TENM1: variants seen among roughly 807,000 people sequenced by gnomAD.
TENM1 encodes the protein teneurin-1.
Under a neutral mutation model 174.8 loss-of-function variants are expected in TENM1, and 35 were observed. That is an observed-to-expected ratio of 0.20 (90% CI 0.15 to 0.27). The LOEUF is 0.27. TENM1 is among the 10% of genes least tolerant of loss of function. TENM1 has a pLI of 1.00. For synonymous variants in TENM1, 781 were observed against 798.7 expected (o/e 0.98, Z 0.37); for missense variants, 1,633 against 2,130.1 (o/e 0.77, Z 4.59).
intron 3 of TENM1, among the ~76,000 whole-genome samples, chrX:124,738,153 T>C (rs2053720066): frequency 8.9e-6 from 1 of 111,933 alleles, no homozygotes; most frequent in Non-Finnish European, 1.9e-5. Flanking sequence ...ATAATAGATG[T>C]CAAGTGATTT....
chrX:124,942,609 G>A (rs984782723), intron 1 of TENM1, among the ~76,000 whole-genome samples: 8 of 111,531 alleles, frequency 7.2e-5, no homozygotes, highest in East Asian at 5.6e-4. Flanking sequence ...AAAAAACAGC[G>A]GAGAAAAAGA....
intron 11 of TENM1, among the ~76,000 whole-genome samples, chrX:124,623,344 G>T (rs2050565026): frequency 9.0e-6 from 1 of 111,617 alleles, no homozygotes; most frequent in African/African-American, 3.3e-5. Flanking sequence ...GTACATGAGT[G>T]TGTGCATGAG....
chrX:124,446,920 A>G (rs1271460181), intron 23 of TENM1, among the ~76,000 whole-genome samples: 1 of 112,439 alleles, frequency 8.9e-6, no homozygotes, highest in Non-Finnish European at 1.9e-5. Context: ...AGAAACAGTA[A>G]GCTTTTCTTA....
intron 3 of TENM1, among the ~76,000 whole-genome samples, chrX:124,772,764 C>A (rs777655747): frequency 9.0e-6 from 1 of 110,578 alleles, no homozygotes; most frequent in South Asian, 3.8e-4. Context: ...GTCAATTATG[C>A]CAAAAAATGA....
At chrX:124,886,520 T>TAC (rs1372651699) in intron 3 of TENM1, among the ~76,000 whole-genome samples, 7 of 86,433 alleles carry the variant, frequency 8.1e-5, no homozygotes, top group Admixed American at 2.6e-4. Flanking sequence ...CAAAAACATA[T>TAC]ACATATATAT....
intron 10 of TENM1, among the ~76,000 whole-genome samples, chrX:124,644,645 A>T (rs759885571): frequency 9.0e-6 from 1 of 111,110 alleles, no homozygotes; most frequent in East Asian, 2.8e-4. Flanking sequence ...TTCCTTAGGC[A>T]TGGAGGTCAA....
chrX:124,889,924 T>C (rs369708082), intron 3 of TENM1, among the ~76,000 whole-genome samples: 2 of 111,638 alleles, frequency 1.8e-5, no homozygotes, highest in African/African-American at 6.5e-5. Context: ...TCTTAACTAA[T>C]AGGGCATCAA....
the TENM1 span, among the ~76,000 whole-genome samples, chrX:124,971,293 A>T: frequency 9.0e-5 from 10 of 111,449 alleles, no homozygotes; most frequent in South Asian, 3.1e-3. Context: ...AATAATAATA[A>T]AAAAAAGTAC....
At chrX:124,379,737 C>G (rs941104868) in exon 32 of TENM1, 1 of 111,556 alleles carries the variant, frequency 9.0e-6, no homozygotes, top group Non-Finnish European at 1.9e-5. Context: ...AAATTCCTAC[C>G]CAGGTTAATA....
At chrX:124,706,946 C>CTTTTTT (rs1190388752) in intron 4 of TENM1, among the ~76,000 whole-genome samples, 2 of 88,025 alleles carry the variant, frequency 2.3e-5, no homozygotes, top group African/African-American at 4.3e-5. Flanking sequence ...AGTCCTTAAT[C>CTTTTTT]TTTTTTTTTT....
chrX:124,717,355 A>G (rs2053210134), intron 4 of TENM1, among the ~76,000 whole-genome samples: 1 of 112,025 alleles, frequency 8.9e-6, no homozygotes, highest in Admixed American at 9.5e-5. Flanking sequence ...ATAGTCCAGA[A>G]TTGGATAACC....
chrX:124,992,839 C>T, the TENM1 span, among the ~76,000 whole-genome samples: 1 of 111,460 alleles, frequency 9.0e-6, no homozygotes, highest in Non-Finnish European at 1.9e-5. Context: ...TGCTCTGTAT[C>T]TTTGGGTCTT....
chrX:124,816,386 A>G lies in TENM1; in HGVS notation c.535+77910T>C, dbSNP rs1256348097. Among the ~76,000 whole-genome samples, 5 of 112,447 alleles carry G rather than the reference A, an allele frequency of 4.4e-5. No individual in the cohort carries two copies. In the Admixed American group the frequency reaches 4.7e-4, roughly 11 times the overall value. ...TACTCACACCATATTCAAAGTATAC[A>G]ATAGTTCAACATAGGCTAATAAAAT... On this transcript the variant is annotated intron_variant, in intron 3 of 31. Transcript: ENST00000422452.
At chrX:124,750,334 G>A (rs10482536) in intron 3 of TENM1, among the ~76,000 whole-genome samples, 14,201 of 110,535 alleles carry the variant, frequency 0.13, 1,071 homozygotes, top group African/African-American at 0.28. Context: ...TTTCTGGGGG[G>A]AAGACAGAAT....
chrX:124,751,142 G>A (rs897701262), intron 3 of TENM1, among the ~76,000 whole-genome samples: 4 of 111,418 alleles, frequency 3.6e-5, no homozygotes, highest in Non-Finnish European at 7.5e-5. Flanking sequence ...AAAGACAACT[G>A]AGCAATTTAT....
chrX:124,570,144 A>ACTTATAAACTTATAAACTTGTAGTTT (rs1259435809), intron 11 of TENM1, among the ~76,000 whole-genome samples: 1 of 111,706 alleles, frequency 9.0e-6, no homozygotes, highest in East Asian at 2.8e-4. Flanking sequence ...GAATAATACA[A>ACTTATAAACTTATAAACTTGTAGTTT]CTTAATAAAC....
At chrX:125,015,408 C>T in the TENM1 span, among the ~76,000 whole-genome samples, 1 of 111,275 alleles carries the variant, frequency 9.0e-6, no homozygotes, top group Admixed American at 9.6e-5. Flanking sequence ...GTGAGTAACT[C>T]AACTTGATAA....
the TENM1 span, among the ~76,000 whole-genome samples, chrX:125,130,757 G>A: frequency 6.3e-5 from 7 of 111,160 alleles, no homozygotes; most frequent in South Asian, 3.9e-4. Flanking sequence ...ATTCTTCCAC[G>A]CATTCACTTG....
At chrX:124,737,775 G>A (rs765076914) in intron 3 of TENM1, among the ~76,000 whole-genome samples, 1 of 112,219 alleles carries the variant, frequency 8.9e-6, no homozygotes, top group Non-Finnish European at 1.9e-5. Flanking sequence ...CCCAACTAGA[G>A]TGCTACTTGT....
Sources: allele counts gnomAD v4.1 joint callset (sites outside exome capture counted in the v4.1 genomes callset), GRCh38; gene constraint gnomAD v4.1.1; transcripts MANE v1.5; gene names NCBI Gene and HGNC (gene_info 2026-07-23, HGNC 2026-07-21).